BCL9L: variants seen among roughly 807,000 people sequenced by gnomAD.
The protein encoded by BCL9L is BCL9 like, also known as B-cell CLL/lymphoma 9-like protein.
A neutral mutation model predicts 99.4 loss-of-function variants in BCL9L; 19 were observed. That is an observed-to-expected ratio of 0.19 (90% CI 0.13 to 0.28). The LOEUF is 0.28. BCL9L is among the 10% of genes least tolerant of loss of function. The pLI is 1.00. For missense variants in BCL9L, 2,023 were observed against 2,101.6 expected (o/e 0.96, Z 0.73); for synonymous variants, 900 against 854.8 (o/e 1.05, Z -0.92).
chr11:118,899,045 G>A lies in BCL9L; in HGVS notation c.3870C>T (p.Gly1290=), dbSNP rs759697112. 3.1e-6 allele frequency: 5 copies of A among 1,612,626 alleles called. No individual in the cohort carries two copies. The highest frequency in any genetic ancestry group is 2.2e-5 in the East Asian group (1 of 44,884). Residue 1290 remains glycine, a synonymous_variant, in exon 10 of 10, where the codon GGC becomes GGT. Transcript: ENST00000683865. The part of the protein sequence containing the change: ...LMGKAMAGRM[G]DAYPPGVLPG... ...GGAGCACACCCGGTGGGTATGCGTC[G>A]CCCATGCGCCCAGCCATGGCTTTGC...
Position 118,901,216 on chromosome 11 carries a change from T to G in BCL9L, c.2527A>C (p.Asn843His). The change falls in exon 8 of 10, where the codon AAC becomes CAC. Residue 843 changes from asparagine to histidine, a missense_variant. Transcript: ENST00000683865. This position sits in a 1 kb window ranked among gnomAD's most constrained non-coding sequence, Gnocchi z 6.6. Reference sequence around the variant, plus strand: ...CCAGAGAATCCCTGCTGGCCCTGGTTGGGAAACTGTGAAGGCATCAGCATC... The same window carrying G: ...CCAGAGAATCCCTGCTGGCCCTGGTGGGGAAACTGTGAAGGCATCAGCATC... ...QKMLMPSQFP[N>H]QGQQGFSGGQ... 1 of 1,613,908 alleles carries G rather than the reference T, an allele frequency of 6.2e-7. No homozygotes were observed. Among genetic ancestry groups the G allele is most frequent in the Non-Finnish European group, 8.5e-7 (1 of 1,179,918 alleles).
At chr11:118,905,324 A>G (rs1289000870) in intron 5 of BCL9L, among the ~76,000 whole-genome samples, 4 of 151,758 alleles carry the variant, frequency 2.6e-5, no homozygotes, top group Non-Finnish European at 4.4e-5. Context: ...GCCTGGCCAT[A>G]ATGGTGAAAC....
intron 2 of BCL9L, chr11:118,910,727 G>A (rs1319644819): frequency 6.4e-6 from 1 of 155,628 alleles, no homozygotes; most frequent in Admixed American, 6.5e-5. Flanking sequence ...GCTTCTCCAG[G>A]CCCCGCGCGC....
At chr11:118,907,431 A>G in intron 5 of BCL9L, 52 bp downstream of exon 5, 1 of 1,613,294 alleles carries the variant, frequency 6.2e-7, no homozygotes, top group Non-Finnish European at 8.5e-7. Context: ...TCTCAAGTCC[A>G]TCCCCCAGGA....
chr11:118,902,813 T>TGGCGGC lies in BCL9L; in HGVS notation c.924_929dup (p.Pro311_Pro312dup). On this transcript the variant is annotated inframe_insertion, in exon 8 of 10. Transcript: ENST00000683865. This position sits in a 1 kb window ranked among gnomAD's most constrained non-coding sequence, Gnocchi z 7.8. The stretch of plus-strand genomic sequence containing the variant: ...GCGGGGCACTGCCAGGGGCCGGGGG[T>TGGCGGC]GGCGGCGGCGGCAGTGGAGGTGGCT... 2 of 1,544,036 alleles carry TGGCGGC rather than the reference T, an allele frequency of 1.3e-6. No individual in the cohort carries two copies. The highest frequency in any genetic ancestry group is 1.7e-6 in the Non-Finnish European group (2 of 1,152,296).
chr11:118,910,312 G>A (rs1940724959), intron 2 of BCL9L: 1 of 242,934 alleles, frequency 4.1e-6, no homozygotes, highest in African/African-American at 2.2e-5. Flanking sequence ...GGGCGGCTGT[G>A]AGGTCTCCCC....
chr11:118,914,086 A>G lies in BCL9L; in HGVS notation c.-76-4071T>C, dbSNP rs762093193. ...TGATCCAGGTGCCACTCTCTACCCT[A>G]TGGAGACTCCCATCTCAGGAGGTGG... is the stretch of plus-strand genomic sequence containing the variant. On this transcript the variant is annotated intron_variant, in intron 2 of 9. Transcript: ENST00000683865. This position sits in a 1 kb window ranked among gnomAD's most constrained non-coding sequence, Gnocchi z 4.4. Among the ~76,000 whole-genome samples the G allele has an allele frequency of 2.6e-5, 4 of 152,006 alleles. No individual in the cohort carries two copies. The South Asian group carries it at 6.2e-4, about 24-fold the overall frequency.
intron 5 of BCL9L, among the ~76,000 whole-genome samples, chr11:118,907,216 T>C (rs1387010369): frequency 6.6e-6 from 1 of 152,158 alleles, no homozygotes; most frequent in Non-Finnish European, 1.5e-5. Context: ...GGCCAGGAAT[T>C]CACAGGTAGA....
At chr11:118,899,597 G>T in intron 9 of BCL9L, 89 bp from the exon 10 acceptor site, 1 of 1,514,070 alleles carries the variant, frequency 6.6e-7, no homozygotes, top group Non-Finnish European at 9.0e-7. Context: ...CCCAAGCCAG[G>T]GGGTGCCAGA....
intron 5 of BCL9L, among the ~76,000 whole-genome samples, chr11:118,905,268 G>A (rs941184494): frequency 1.3e-5 from 2 of 152,146 alleles, no homozygotes; most frequent in Non-Finnish European, 2.9e-5. Context: ...TAACACTTTG[G>A]GAGGCCGAGG....
intron 5 of BCL9L, among the ~76,000 whole-genome samples, chr11:118,907,099 C>G (rs1940553557): frequency 6.6e-6 from 1 of 152,202 alleles, no homozygotes; most frequent in African/African-American, 2.4e-5. Flanking sequence ...AGTGGCAACT[C>G]ACACCCAGGC....
intron 3 of BCL9L, 24 bp from the exon 4 acceptor site, chr11:118,908,679 G>A: frequency 6.3e-7 from 1 of 1,589,432 alleles, no homozygotes; most frequent in Non-Finnish European, 8.6e-7. Flanking sequence ...GGAGAAATGT[G>A]AAAAGTTAAC....
Position 118,922,575 on chromosome 11 carries a change from C to T in BCL9L, c.-131+2663G>A, listed in dbSNP as rs905709839. Among the ~76,000 whole-genome samples the T allele has an allele frequency of 3.3e-5, 5 of 152,122 alleles. No individual in the cohort carries two copies. The highest frequency in any genetic ancestry group is 9.7e-5 in the African/African-American group (4 of 41,420). On this transcript the variant is annotated intron_variant, in intron 1 of 9. Transcript: ENST00000683865. This position sits in a 1 kb window ranked among gnomAD's most constrained non-coding sequence, Gnocchi z 6.2. ...AGGTTGAGCCAGTCCATGGAACAGCCGGCCCCACCCCAGGGAGAGCGGGCC... is the reference window on the plus strand; with the variant it reads ...AGGTTGAGCCAGTCCATGGAACAGCTGGCCCCACCCCAGGGAGAGCGGGCC...
intron 2 of BCL9L, among the ~76,000 whole-genome samples, chr11:118,917,896 G>T (rs1459883816): frequency 6.6e-6 from 1 of 152,066 alleles, no homozygotes; most frequent in Non-Finnish European, 1.5e-5. Flanking sequence ...CCACGGGCTC[G>T]TGAGAGGCCC....
intron 1 of BCL9L, among the ~76,000 whole-genome samples, chr11:118,919,752 A>G (rs1455772450): frequency 6.6e-6 from 1 of 152,048 alleles, no homozygotes; most frequent in Non-Finnish European, 1.5e-5. Flanking sequence ...TCAACTTTCC[A>G]TTCTAAGGCT....
intron 1 of BCL9L, among the ~76,000 whole-genome samples, 183 bp from the exon 2 acceptor site, chr11:118,919,062 G>A (rs1941061487): frequency 1.4e-5 from 1 of 73,788 alleles, no homozygotes; most frequent in African/African-American, 5.5e-5. Context: ...CAGGACTTCT[G>A]TGGATTGGCT....
In BCL9L at chr11:118,914,112, TGTG is replaced by T. The variant is rs752821117; in HGVS notation, c.-76-4100_-76-4098del. 4.6e-5 allele frequency among the ~76,000 whole-genome samples: 7 copies of T among 152,172 alleles called. No individual in the cohort carries two copies. In the South Asian group the frequency reaches 8.3e-4, roughly 18 times the overall value. On this transcript the variant is annotated intron_variant, in intron 2 of 9. Transcript: ENST00000683865. This position sits in a 1 kb window ranked among gnomAD's most constrained non-coding sequence, Gnocchi z 4.4. ...TGGAGACTCCCATCTCAGGAGGTGG[TGTG>T]GTGCTGGGTTCACATGGGTAGAAGG...
At position 118,896,284 on chromosome 11, in the gene BCL9L, T is replaced by C. The variant is rs918388217; in HGVS notation, c.*2131A>G. The C allele has an allele frequency of 6.1e-5, 10 of 163,030 alleles. No individual in the cohort carries two copies. The highest frequency in any genetic ancestry group is 1.3e-4 in the Admixed American group (2 of 15,076). The allele number at this position is 163,030 out of a possible 1,614,324, so 10.1% of individuals were successfully genotyped here. ...TTCACATATTGTATTTATATATTTA[T>C]ATTTATATATATATTTATATAATGG... is the stretch of plus-strand genomic sequence containing the variant. On this transcript the variant is annotated 3_prime_UTR_variant, in exon 10 of 10. Coordinates refer to ENST00000683865, the MANE Select transcript of BCL9L (RefSeq NM_001378213.1).
chr11:118,907,709 G>A lies in BCL9L; in HGVS notation c.413-107C>T. 3.3e-6 allele frequency: 5 copies of A among 1,508,258 alleles called. No individual in the cohort carries two copies. The Admixed American group carries it at 8.1e-5, about 24-fold the overall frequency. The allele number at this position is 1,508,258 out of a possible 1,614,324, so 93.4% of individuals were successfully genotyped here. Reference sequence around the variant, plus strand: ...TCTCTAAGATGCCCCACCCTAGAGGGCACTGCCCAGGCCATGGTGGGCACT... The same window carrying A: ...TCTCTAAGATGCCCCACCCTAGAGGACACTGCCCAGGCCATGGTGGGCACT... On this transcript the variant is annotated intron_variant, in intron 4 of 9. Coordinates refer to ENST00000683865, the MANE Select transcript of BCL9L (RefSeq NM_001378213.1).
Sources: gnomAD v4.1 joint callset for allele counts (sites outside exome capture counted in the v4.1 genomes callset) on GRCh38, gnomAD v4.1.1 for gene constraint, Gnocchi (gnomAD v3.1) non-coding constraint, MANE v1.5 for transcripts, NCBI Gene and HGNC (gene_info 2026-07-23, HGNC 2026-07-21) for gene names.